MTRF1: variants seen among roughly 807,000 people sequenced by gnomAD.
The protein encoded by MTRF1 is peptide chain release factor 1, mitochondrial.
In MTRF1, 51 loss-of-function variants were observed where a neutral mutation model predicts 62.9. The ratio of observed to expected loss-of-function variants is 0.81; its 90% CI spans 0.65 to 1.02. The LOEUF is 1.02. MTRF1 is among the 50% of genes least tolerant of loss of function. The pLI, the probability that MTRF1 is intolerant of heterozygous loss-of-function variation, is 0.00. For synonymous variants in MTRF1, 158 were observed against 181.9 expected (o/e 0.87, Z 1.06); for missense variants, 446 against 530.0 (o/e 0.84, Z 1.56).
At chr13:41,275,562 G>A in the MTRF1 span, among the ~76,000 whole-genome samples, 1 of 150,606 alleles carries the variant, frequency 6.6e-6, no homozygotes, top group Non-Finnish European at 1.5e-5. Flanking sequence ...GCGTGATCTT[G>A]GCTCACTGCA....
At chr13:41,243,480 G>A (rs2037817678) in intron 5 of MTRF1, among the ~76,000 whole-genome samples, 1 of 151,704 alleles carries the variant, frequency 6.6e-6, no homozygotes, top group African/African-American at 2.4e-5. Flanking sequence ...CTACTGTGTG[G>A]GCAGGTATCA....
chr13:41,242,731 G>A (rs1165346110), intron 5 of MTRF1, among the ~76,000 whole-genome samples: 2 of 152,118 alleles, frequency 1.3e-5, no homozygotes. Context: ...AGTTTCCACA[G>A]CCTTGGAAGA....
At chr13:41,217,737 A>G (rs1378413434) in intron 9 of MTRF1, among the ~76,000 whole-genome samples, 1 of 152,250 alleles carries the variant, frequency 6.6e-6, no homozygotes, top group Non-Finnish European at 1.5e-5. Flanking sequence ...TTTGTTCCAC[A>G]AGCATTTTGT....
Position 41,257,720 on chromosome 13 carries a change from T to G in MTRF1, c.415+2773A>C, listed in dbSNP as rs193282777. 1.3e-3 allele frequency: 568 copies of G among 429,808 alleles called. 2 individuals are homozygous for G. Among genetic ancestry groups the G allele is most frequent in the African/African-American group, 9.2e-3 (459 of 49,768 alleles). The allele number at this position is 429,808 out of a possible 1,614,324, so 26.6% of individuals were successfully genotyped here. A position where few individuals can be genotyped will look rare whatever the true frequency, so the allele number is the denominator to read the frequency against. The stretch of plus-strand genomic sequence containing the variant: ...GGCTGAGGTTGGAGGATTGCTTGAG[T>G]CCAGGAGTTCAAGGTTAAAGTGAGC... On this transcript the variant is annotated intron_variant, in intron 2 of 9. Transcript: ENST00000379480.
the MTRF1 span, among the ~76,000 whole-genome samples, chr13:41,287,146 G>A: frequency 6.6e-6 from 1 of 152,192 alleles, no homozygotes; most frequent in Non-Finnish European, 1.5e-5. Flanking sequence ...GAACAACCAC[G>A]TGGCTCAGTT....
the MTRF1 span, among the ~76,000 whole-genome samples, chr13:41,285,404 G>A: frequency 6.6e-6 from 1 of 152,098 alleles, no homozygotes; most frequent in African/African-American, 2.4e-5. Context: ...GACATTTTTG[G>A]TGTAGCTGGC....
chr13:41,247,573 A>T (rs1461287444), intron 5 of MTRF1, among the ~76,000 whole-genome samples: 3 of 152,146 alleles, frequency 2.0e-5, no homozygotes, highest in Admixed American at 1.3e-4. Context: ...CTAAATGGGG[A>T]TGTGGCGGGA....
intron 2 of MTRF1, among the ~76,000 whole-genome samples, chr13:41,256,413 G>A (rs566899038): frequency 1.3e-5 from 2 of 150,516 alleles, no homozygotes; most frequent in East Asian, 2.0e-4. Flanking sequence ...TGCAACCTCC[G>A]CCTCCTGGGT....
At chr13:41,218,935 T>C (rs933125551) in intron 9 of MTRF1, among the ~76,000 whole-genome samples, 1 of 152,198 alleles carries the variant, frequency 6.6e-6, no homozygotes, top group Non-Finnish European at 1.5e-5. Flanking sequence ...AAAAACACTA[T>C]GATATAACTT....
chr13:41,273,440 C>T, the MTRF1 span, among the ~76,000 whole-genome samples: 7 of 152,146 alleles, frequency 4.6e-5, no homozygotes, highest in African/African-American at 1.7e-4. Flanking sequence ...GCTTATTTTG[C>T]CAAGATTGAG....
the MTRF1 span, among the ~76,000 whole-genome samples, chr13:41,292,552 G>T: frequency 1.4e-5 from 2 of 139,448 alleles, no homozygotes; most frequent in Non-Finnish European, 3.0e-5. Flanking sequence ...CTGCACTCCA[G>T]CCTGGGCGAC....
At chr13:41,284,643 T>A in the MTRF1 span, among the ~76,000 whole-genome samples, 21 of 152,224 alleles carry the variant, frequency 1.4e-4, no homozygotes, top group South Asian at 4.2e-4. Flanking sequence ...ATTAATTAAT[T>A]TTGAGACAAA....
At chr13:41,282,556 G>A in the MTRF1 span, among the ~76,000 whole-genome samples, 1 of 152,134 alleles carries the variant, frequency 6.6e-6, no homozygotes, top group Non-Finnish European at 1.5e-5. Context: ...CCCAGATCTG[G>A]AAGCCCAACT....
At chr13:41,311,625 TCCTCGGGC>T in the MTRF1 span, 1 of 1,572,534 alleles carries the variant, frequency 6.4e-7, no homozygotes, top group Non-Finnish European at 8.6e-7. Context: ...GGTCCCCGGG[TCCTCGGGC>T]CTTAAGGGCA....
At chr13:41,250,364 C>G (rs1287293306) in intron 5 of MTRF1, among the ~76,000 whole-genome samples, 1 of 152,182 alleles carries the variant, frequency 6.6e-6, no homozygotes. Context: ...TGAATGCTCT[C>G]TCTCTATAGA....
the MTRF1 span, among the ~76,000 whole-genome samples, chr13:41,310,663 T>A: frequency 6.6e-6 from 1 of 152,170 alleles, no homozygotes; most frequent in African/African-American, 2.4e-5. Context: ...AGAGCGATAC[T>A]CCATCTCAAA....
intron 7 of MTRF1, among the ~76,000 whole-genome samples, chr13:41,228,049 C>T (rs1038855818): frequency 6.6e-5 from 10 of 152,348 alleles, no homozygotes; most frequent in African/African-American, 2.4e-4. Context: ...CATTCCTCTT[C>T]TTGTCAGCTG....
At chr13:41,290,244 T>C in the MTRF1 span, among the ~76,000 whole-genome samples, 1 of 150,884 alleles carries the variant, frequency 6.6e-6, no homozygotes, top group African/African-American at 2.4e-5. Context: ...ACTACAGGCG[T>C]GCACCACCTA....
chr13:41,248,127 T>C (rs968253681), intron 5 of MTRF1, among the ~76,000 whole-genome samples: 4 of 152,068 alleles, frequency 2.6e-5, no homozygotes, highest in African/African-American at 9.7e-5. Flanking sequence ...ACCTACACAC[T>C]CCCCTTCACT....
Sources: allele counts gnomAD v4.1 joint callset (sites outside exome capture counted in the v4.1 genomes callset), GRCh38; gene constraint gnomAD v4.1.1; transcripts MANE v1.5; gene names NCBI Gene and HGNC (gene_info 2026-07-23, HGNC 2026-07-21).